G3BP2: variants seen among roughly 807,000 people sequenced by gnomAD.
G3BP2 encodes G3BP stress granule assembly factor 2, also known as ras GTPase-activating protein-binding protein 2.
Under a neutral mutation model 56.7 loss-of-function variants are expected in G3BP2, and 11 were observed. That is an observed-to-expected ratio of 0.19 (90% CI 0.12 to 0.32). The LOEUF is 0.32. G3BP2 is among the 10% of genes least tolerant of loss of function. G3BP2 has a pLI of 1.00. For synonymous variants in G3BP2, 165 were observed against 191.6 expected (o/e 0.86, Z 1.15); for missense variants, 340 against 610.9 (o/e 0.56, Z 4.67).
rs1444103349 is a variant in G3BP2, at chr4:75,682,598, C to G, written c.-24-20549G>C. 2.0e-5 allele frequency among the ~76,000 whole-genome samples: 3 copies of G among 152,102 alleles called. No individual in the cohort carries two copies. In the East Asian group the frequency reaches 5.8e-4, roughly 29 times the overall value. ...AAAACTATTCAGGGTAGTAAAAAATCAACTGTATGGAAAATACAGGGCTTT... is the reference window on the plus strand; with the variant it reads ...AAAACTATTCAGGGTAGTAAAAAATGAACTGTATGGAAAATACAGGGCTTT... On this transcript the variant is annotated intron_variant, in intron 3 of 3. Coordinates refer to the G3BP2 transcript ENST00000499709.
chr4:75,678,072 G>C (rs1733942779), upstream of G3BP2, among the ~76,000 whole-genome samples: 1 of 152,210 alleles, frequency 6.6e-6, no homozygotes, highest in Non-Finnish European at 1.5e-5. Flanking sequence ...CTTTGATCTT[G>C]AACTACTCAG....
chr4:75,665,305 T>C, intron 1 of G3BP2, among the ~76,000 whole-genome samples: 1 of 152,252 alleles, frequency 6.6e-6, no homozygotes, highest in Non-Finnish European at 1.5e-5. Flanking sequence ...AAATTTTTTA[T>C]AATGCCTCAC....
chr4:75,677,394 A>C (rs2149061013), upstream of G3BP2, among the ~76,000 whole-genome samples: 1 of 152,210 alleles, frequency 6.6e-6, no homozygotes, highest in East Asian at 1.9e-4. Flanking sequence ...AACATAGTGA[A>C]ACCCCGTCTC....
intron 3 of G3BP2, among the ~76,000 whole-genome samples, chr4:75,692,413 G>A (rs1348407021): frequency 2.6e-5 from 4 of 152,096 alleles, no homozygotes; most frequent in Non-Finnish European, 5.9e-5. Flanking sequence ...CCAGGTTCAA[G>A]CAATTCTCCT....
intron 3 of G3BP2, among the ~76,000 whole-genome samples, chr4:75,693,049 G>A (rs867098329): frequency 6.6e-6 from 1 of 151,544 alleles, no homozygotes; most frequent in Non-Finnish European, 1.5e-5. Context: ...ATTTGAGACC[G>A]CCTGGCAAAT....
chr4:75,655,426 C>A (rs561329503), intron 6 of G3BP2, among the ~76,000 whole-genome samples, 180 bp from the exon 7 acceptor site: 1 of 152,148 alleles, frequency 6.6e-6, no homozygotes, highest in African/African-American at 2.4e-5. Flanking sequence ...TCTCAAGTAG[C>A]AGTTCTTTAA....
intron 3 of G3BP2, among the ~76,000 whole-genome samples, 195 bp from the exon 4 acceptor site, chr4:75,657,925 T>C (rs1732236412): frequency 2.0e-5 from 3 of 152,254 alleles, no homozygotes; most frequent in South Asian, 4.1e-4. Context: ...CTCTCCAATA[T>C]TGTGCAGTAA....
chr4:75,715,260 T>C (rs1172250184), intron 3 of G3BP2, among the ~76,000 whole-genome samples: 3 of 151,802 alleles, frequency 2.0e-5, no homozygotes, highest in Admixed American at 6.6e-5. Flanking sequence ...AGCACATCTG[T>C]TTTCAGTATT....
chr4:75,704,051 G>A lies in G3BP2; in HGVS notation c.-25+16826C>T, dbSNP rs1034755056. On this transcript the variant is annotated intron_variant, in intron 3 of 3. Transcript: ENST00000499709. ...CTTTTTTTTTTTGAGACAGAGTCTC[G>A]CTCTGTCGCCAGGCTGGAGTGCCGT... Among the ~76,000 whole-genome samples the A allele has an allele frequency of 8.3e-5, 12 of 144,810 alleles. No individual in the cohort carries two copies. The East Asian group carries it at 2.2e-3, about 27-fold the overall frequency.
intron 3 of G3BP2, among the ~76,000 whole-genome samples, chr4:75,707,776 T>C (rs1719609339): frequency 6.6e-6 from 1 of 152,186 alleles, no homozygotes; most frequent in Admixed American, 6.5e-5. Context: ...CTTGCATTTT[T>C]CAAACTTTGT....
At chr4:75,690,977 A>C (rs895254199) in intron 3 of G3BP2, among the ~76,000 whole-genome samples, 17 of 152,164 alleles carry the variant, frequency 1.1e-4, no homozygotes, top group Non-Finnish European at 2.2e-4. Flanking sequence ...ATTACCTTAT[A>C]ATCTTAATTG....
Position 75,655,796 on chromosome 4 carries a change from T to C in G3BP2, c.517A>G (p.Ser173Gly), listed in dbSNP as rs777878492. 4 of 1,596,086 alleles carry C rather than the reference T, an allele frequency of 2.5e-6. No individual in the cohort carries two copies. Among genetic ancestry groups the C allele is most frequent in the Non-Finnish European group, 3.4e-6 (4 of 1,163,546 alleles). ...SPEPVQENAN[S>G]GYYEAHPVTN... The stretch of plus-strand genomic sequence containing the variant: ...ACAGGGTGAGCTTCATAGTAACCAC[T>C]GTTAGCATTTTCTTGCACAGGTTCA... Residue 173 changes from serine to glycine, a missense_variant, in exon 6 of 12, where the codon AGT becomes GGT. Physicochemically the swap from Ser to Gly is moderately conservative, Grantham distance 56. Around this residue, in one of 4 missense-constraint regions of G3BP2, gnomAD observed 224 missense variants for 332.5 expected, o/e 0.67. Coordinates refer to ENST00000359707, the MANE Select transcript of G3BP2 (RefSeq NM_203505.3).
Position 75,662,133 on chromosome 4 carries a change from T to C in G3BP2, c.-24-84A>G, listed in dbSNP as rs1009228503. ...GAAATAAATTTTCTTTTTAGCCAAA[T>C]TTAGCAGTGGGGAGTTGTATACCAA... On this transcript the variant is annotated intron_variant, in intron 1 of 11. Transcript: ENST00000359707. 5.3e-6 allele frequency: 4 copies of C among 761,568 alleles called. No homozygotes were observed. In the Admixed American group the frequency reaches 9.6e-5, roughly 18 times the overall value. The allele number at this position is 761,568 out of a possible 1,614,324, so 47.2% of individuals were successfully genotyped here.
At chr4:75,667,767 A>G (rs939065130) in intron 1 of G3BP2, among the ~76,000 whole-genome samples, 5 of 152,086 alleles carry the variant, frequency 3.3e-5, no homozygotes, top group Admixed American at 1.3e-4. Flanking sequence ...GTACGCGCCT[A>G]TAGTCCCAGC....
At chr4:75,668,507 A>G (rs1041665400) in intron 1 of G3BP2, among the ~76,000 whole-genome samples, 3 of 152,366 alleles carry the variant, frequency 2.0e-5, no homozygotes, top group South Asian at 4.1e-4. Context: ...TGGGTGAAAC[A>G]TAACACAAGA....
chr4:75,682,588 A>G (rs1447277844), intron 3 of G3BP2, among the ~76,000 whole-genome samples: 1 of 152,182 alleles, frequency 6.6e-6, no homozygotes, highest in African/African-American at 2.4e-5. Context: ...TATTCAGGGT[A>G]GTAAAAAATC....
rs1731152516 is a variant in G3BP2, at chr4:75,645,503, C to A, written c.1376G>T (p.Gly459Val). ...TCCAGAGCCAAGTTTCTGTGCCATG[C>A]CACCCCTTGGAGGAGGTCCTCTTCC... is the stretch of plus-strand genomic sequence containing the variant. Reference protein sequence around the residue: ...RDGRGPPPRGGMAQKLGSGRG... With the variant: ...RDGRGPPPRGVMAQKLGSGRG... Residue 459 changes from glycine to valine, a missense_variant, in exon 12 of 12, where the codon GGC becomes GTC. Around this residue, in one of 4 missense-constraint regions of G3BP2, gnomAD observed 94 missense variants for 173.8 expected, o/e 0.54. Coordinates refer to ENST00000359707, the MANE Select transcript of G3BP2 (RefSeq NM_203505.3). 6.2e-7 allele frequency: 1 copy of A among 1,613,966 alleles called. No individual in the cohort carries two copies.
intron 1 of G3BP2, among the ~76,000 whole-genome samples, chr4:75,671,840 G>A (rs1733511481): frequency 6.6e-6 from 1 of 152,170 alleles, no homozygotes; most frequent in African/African-American, 2.4e-5. Context: ...CAGGAATCTT[G>A]GATTATCAAA....
intron 3 of G3BP2, among the ~76,000 whole-genome samples, chr4:75,687,803 T>C (rs2149076766): frequency 6.6e-6 from 1 of 152,302 alleles, no homozygotes; most frequent in South Asian, 2.1e-4. Context: ...AACTTGGAGA[T>C]ACACTCCTTG....
Sources: gnomAD v4.1 joint callset for allele counts (sites outside exome capture counted in the v4.1 genomes callset) on GRCh38, gnomAD v4.1.1 for gene constraint, gnomAD v4.1.1 regional missense constraint, MANE v1.5 for transcripts, NCBI Gene and HGNC (gene_info 2026-07-23, HGNC 2026-07-21) for gene names.